Variants in ZNF587B observed in about 807,000 individuals in gnomAD.
ZNF587B encodes the protein zinc finger protein 587B.
Under a neutral mutation model 7.2 loss-of-function variants are expected in ZNF587B, and 6 were observed. The observed-to-expected ratio is 0.83, with a 90% CI of 0.46 to 1.65. The LOEUF is 1.65. Ranked by LOEUF, ZNF587B falls within the 40% of genes most tolerant of loss-of-function variation. The probability of loss-of-function intolerance (pLI) is 0.01; values close to 1 mark genes in which losing one functional copy is unlikely to be tolerated. For synonymous variants in ZNF587B, 274 were observed against 254.3 expected (o/e 1.08, Z -0.74); for missense variants, 749 against 761.0 (o/e 0.98, Z 0.19).
Position 57,841,525 on chromosome 19 carries a change from G to C in ZNF587B, c.851G>C (p.Ser284Thr), listed in dbSNP as rs192718342. Residue 284 changes from serine (S) to threonine (T), a missense_variant, in exon 3 of 3, where the codon AGC (serine) becomes ACC (threonine). By Grantham distance (58) the Ser-to-Thr change is moderately conservative. Around this residue, in one of 3 missense-constraint regions of ZNF587B, gnomAD observed 656 missense variants for 596.5 expected, o/e 1.10. Transcript: ENST00000594901. Reference protein sequence around the residue: ...ECEKSFSQKSSLIQHQQFHTG... With the variant: ...ECEKSFSQKSTLIQHQQFHTG... ...GAGAAATCTTTTAGTCAAAAGAGCA[G>C]CCTCATTCAACATCAGCAATTTCAC... 6.3e-7 allele frequency: 1 copy of C among 1,583,480 alleles called. No individual in the cohort carries two copies. The highest frequency in any genetic ancestry group is 1.3e-5 in the African/African-American group (1 of 74,092).
intron 2 of ZNF587B, among the ~76,000 whole-genome samples, chr19:57,840,063 A>C: frequency 7.6e-6 from 1 of 130,928 alleles, no homozygotes. Flanking sequence ...CAACAGAGCG[A>C]GACTCTGTCT....
At position 57,842,446 on chromosome 19, in the gene ZNF587B, C is replaced by A; in HGVS notation, c.1772C>A (p.Ser591Tyr). ...SECGKSFAGI[S>Y]SLTNHRRVHT... Reference sequence around the variant, plus strand: ...TGTGGGAAATCTTTTGCTGGAATCTCCAGTCTCACTAATCACAGGAGAGTT... The same window carrying A: ...TGTGGGAAATCTTTTGCTGGAATCTACAGTCTCACTAATCACAGGAGAGTT... Residue 591 changes from serine (S) to tyrosine (Y), a missense_variant, in exon 3 of 3, where the codon TCC becomes TAC. Physicochemically the swap from Ser to Tyr is moderately radical, Grantham distance 144. Around this residue, in one of 3 missense-constraint regions of ZNF587B, gnomAD observed 656 missense variants for 596.5 expected, o/e 1.10. Coordinates refer to ENST00000594901, the MANE Select transcript of ZNF587B (RefSeq NM_001376223.1). 6 of 1,602,840 alleles carry A rather than the reference C, an allele frequency of 3.7e-6. No homozygotes were observed. Among genetic ancestry groups the A allele is most frequent in the Non-Finnish European group, 5.1e-6 (6 of 1,175,188 alleles).
chr19:57,841,183 C>G lies in ZNF587B; in HGVS notation c.509C>G (p.Ser170Cys), dbSNP rs1988826804. The change falls in exon 3 of 3, where the codon TCT (serine) becomes TGT (cysteine). Residue 170 changes from serine to cysteine, a missense_variant. Ser to Cys is a moderately radical substitution (Grantham distance 112, BLOSUM62 -1). Around this residue, in one of 3 missense-constraint regions of ZNF587B, gnomAD observed 656 missense variants for 596.5 expected, o/e 1.10. Transcript: ENST00000594901. ...AAGTTGCATGTGTCAGGGGAGTCAT[C>G]TGTCTTCAGTGAGAGTGGGAAGGAC... is the stretch of plus-strand genomic sequence containing the variant. The part of the protein sequence containing the change: ...RCKLHVSGES[S>C]VFSESGKDFL... The G allele has an allele frequency of 1.2e-6, 2 of 1,614,076 alleles. No homozygotes were observed. Among genetic ancestry groups the G allele is most frequent in the Admixed American group, 3.3e-5 (2 of 60,000 alleles).
At position 57,841,889 on chromosome 19, in the gene ZNF587B, T is replaced by C; in HGVS notation, c.1215T>C (p.Thr405=). 1 of 1,613,868 alleles carries C rather than the reference T, an allele frequency of 6.2e-7. No individual in the cohort carries two copies. The highest frequency in any genetic ancestry group is 8.5e-7 in the Non-Finnish European group (1 of 1,179,954). The change falls in exon 3 of 3, where the codon ACT becomes ACC. Residue 405 remains threonine (T), a synonymous_variant. Coordinates refer to ENST00000594901, the MANE Select transcript of ZNF587B (RefSeq NM_001376223.1). ...GHLRIHQRMH[T]GERPYKCGDC... ...TTAGGATCCATCAGCGCATGCACAC[T>C]GGAGAAAGACCTTACAAGTGTGGAG...
chr19:57,839,352 G>A (rs1396050616), intron 2 of ZNF587B, among the ~76,000 whole-genome samples: 2 of 152,192 alleles, frequency 1.3e-5, no homozygotes, highest in Non-Finnish European at 2.9e-5. Flanking sequence ...TTTACTGCAG[G>A]CTCCCAGGGA....
intron 1 of ZNF587B, among the ~76,000 whole-genome samples, chr19:57,835,608 C>G (rs1988570969): frequency 7.1e-6 from 1 of 141,304 alleles, no homozygotes; most frequent in Admixed American, 7.1e-5. Context: ...GTGATCCACC[C>G]ACCTCAGCCT....
chr19:57,837,609 C>T (rs1200564191), intron 1 of ZNF587B, among the ~76,000 whole-genome samples: 3 of 152,004 alleles, frequency 2.0e-5, no homozygotes, highest in Non-Finnish European at 4.4e-5. Flanking sequence ...CCACAACACC[C>T]AGCTAATTTT....
At chr19:57,836,515 A>AT (rs1446756409) in intron 1 of ZNF587B, among the ~76,000 whole-genome samples, 2 of 151,740 alleles carry the variant, frequency 1.3e-5, no homozygotes, top group African/African-American at 4.8e-5. Flanking sequence ...TATATTTAAA[A>AT]TTTTTTCTCT....
Position 57,839,337 on chromosome 19 carries a change from C to T in ZNF587B, c.163+188C>T, listed in dbSNP as rs148202403. 1.7e-3 allele frequency among the ~76,000 whole-genome samples: 254 copies of T among 152,340 alleles called. 1 individual carries two copies. Among genetic ancestry groups the T allele is most frequent in the African/African-American group, 5.7e-3 (236 of 41,578 alleles). On this transcript the variant is annotated intron_variant, in intron 2 of 2. Transcript: ENST00000594901. ...CTCCTTTCTTGGAGCAGCCCCAGCA[C>T]CTGCTTTACTGCAGGCTCCCAGGGA... is the stretch of plus-strand genomic sequence containing the variant.
chr19:57,837,573 C>A (rs562447430), intron 1 of ZNF587B, among the ~76,000 whole-genome samples: 1 of 152,036 alleles, frequency 6.6e-6, no homozygotes, highest in South Asian at 2.1e-4. Context: ...CTCAGCCTCC[C>A]AAGTATCTGG....
At position 57,841,460 on chromosome 19, in the gene ZNF587B, A is replaced by G. The variant is rs1453450548; in HGVS notation, c.786A>G (p.Arg262=). Residue 262 remains arginine, a synonymous_variant, in exon 3 of 3, where the codon AGA becomes AGG. Transcript: ENST00000594901. ...ATGTTAGCTTCAGTAATCATCAGAG[A>G]GTTCACAGTGGAAAAAGACCTTATG... ...SKYVSFSNHQ[R]VHSGKRPYEC... 4 of 1,585,284 alleles carry G rather than the reference A, an allele frequency of 2.5e-6. No individual in the cohort carries two copies. Among genetic ancestry groups the G allele is most frequent in the Non-Finnish European group, 3.4e-6 (4 of 1,164,744 alleles).
Position 57,830,466 on chromosome 19 carries a change from C to G in ZNF587B, c.-63C>G. ...ACCCCTGGGCCAGGATAGGGACCGT[C>G]ATGCCCATATCTCCTGGCTGGTCAC... On this transcript the variant is annotated 5_prime_UTR_variant, in exon 1 of 3. Coordinates refer to ENST00000594901, the MANE Select transcript of ZNF587B (RefSeq NM_001376223.1). The G allele has an allele frequency of 6.5e-7, 1 of 1,533,336 alleles. No individual in the cohort carries two copies. The highest frequency in any genetic ancestry group is 8.8e-7 in the Non-Finnish European group (1 of 1,135,248). The allele number at this position is 1,533,336 out of a possible 1,614,324, so 95.0% of individuals were successfully genotyped here. A position where few individuals can be genotyped will look rare whatever the true frequency, so the allele number is the denominator to read the frequency against.
In ZNF587B at chr19:57,842,042, C is replaced by A. The variant is rs768748151; in HGVS notation, c.1368C>A (p.His456Gln). 9.2e-5 allele frequency: 147 copies of A among 1,590,504 alleles called. 1 individual carries two copies. The highest frequency in any genetic ancestry group is 1.2e-4 in the Non-Finnish European group (145 of 1,168,338). ...GTCACAAGGGTAACCTCATTCTACACCAGCATGGCCATACTAGAAAAAGGC... is the reference window on the plus strand; with the variant it reads ...GTCACAAGGGTAACCTCATTCTACAACAGCATGGCCATACTAGAAAAAGGC... The part of the protein sequence containing the change: ...CFSHKGNLIL[H>Q]QHGHTRKRPY... The change falls in exon 3 of 3, where the codon CAC becomes CAA. Residue 456 changes from histidine (H) to glutamine (Q), a missense_variant. Physicochemically the swap from His to Gln is conservative, Grantham distance 24. This residue lies in a region of ZNF587B where 656 missense variants were observed against 596.5 expected (regional missense o/e 1.10). Coordinates refer to ENST00000594901, the MANE Select transcript of ZNF587B (RefSeq NM_001376223.1).
chr19:57,832,702 C>T (rs1988464076), intron 1 of ZNF587B, among the ~76,000 whole-genome samples: 1 of 152,226 alleles, frequency 6.6e-6, no homozygotes, highest in South Asian at 2.1e-4. Flanking sequence ...GGAAGAGTTT[C>T]CAGGTATTTG....
At chr19:57,835,967 T>C (rs1319096709) in intron 1 of ZNF587B, among the ~76,000 whole-genome samples, 1 of 151,750 alleles carries the variant, frequency 6.6e-6, no homozygotes, top group Non-Finnish European at 1.5e-5. Flanking sequence ...GATTGGAGGC[T>C]GAGGACTAGA....
chr19:57,836,922 C>T (rs1988630434), intron 1 of ZNF587B, among the ~76,000 whole-genome samples: 1 of 149,304 alleles, frequency 6.7e-6, no homozygotes, highest in South Asian at 2.1e-4. Flanking sequence ...GAGATTGCAC[C>T]ACCCCGCTCC....
intron 1 of ZNF587B, among the ~76,000 whole-genome samples, chr19:57,838,293 AT>A (rs748054206): frequency 0.026 from 3,875 of 149,382 alleles, 109 homozygotes; most frequent in African/African-American, 0.071. Flanking sequence ...TCAAAAAAAA[AT>A]AAAAAAAAAA....
chr19:57,837,949 A>G (rs1401973275), intron 1 of ZNF587B, among the ~76,000 whole-genome samples: 1 of 152,076 alleles, frequency 6.6e-6, no homozygotes, highest in Admixed American at 6.6e-5. Context: ...CATTTGTTTT[A>G]CCAAAAATGT....
At chr19:57,836,662 C>G (rs1174368055) in intron 1 of ZNF587B, among the ~76,000 whole-genome samples, 1 of 152,086 alleles carries the variant, frequency 6.6e-6, no homozygotes, top group African/African-American at 2.4e-5. Flanking sequence ...GGCCACTTCA[C>G]TCTCTTAAGT....
Sources: gnomAD v4.1 joint callset for allele counts (sites outside exome capture counted in the v4.1 genomes callset) on GRCh38, gnomAD v4.1.1 for gene constraint, gnomAD v4.1.1 regional missense constraint, MANE v1.5 for transcripts, NCBI Gene and HGNC (gene_info 2026-07-23, HGNC 2026-07-21) for gene names.